ZNF536: variants seen among roughly 807,000 people sequenced by gnomAD.
ZNF536 encodes zinc finger protein 536.
In ZNF536, 13 loss-of-function variants were observed where a neutral mutation model predicts 84.5. That is an observed-to-expected ratio of 0.15 (90% CI 0.10 to 0.24). The LOEUF is 0.24. Among genes scored for constraint, ZNF536 ranks in the 10% least tolerant of loss-of-function variants. The pLI is 1.00. For missense variants in ZNF536, 1,536 were observed against 1,747.5 expected, an observed-to-expected ratio of 0.88 and a Z score of 2.16; for synonymous variants, 811 against 742.5, an observed-to-expected ratio of 1.09 and a Z score of -1.50.
At chr19:30,278,880 C>A (rs935450165) in intron 1 of ZNF536, among the ~76,000 whole-genome samples, 1 of 152,170 alleles carries the variant, frequency 6.6e-6, no homozygotes, top group Admixed American at 6.5e-5. Context: ...GCAAATAGAT[C>A]ATGTTTTTCC....
At position 30,566,212 on chromosome 19, in the gene ZNF536, T is replaced by C. The variant is rs536604782; in HGVS notation, c.169+16698T>C. ...TATGAGGGGTCACCCAGAAATCAGTTACCACCGGGACGTTTTGTTCCGTTC... is the reference window on the plus strand; with the variant it reads ...TATGAGGGGTCACCCAGAAATCAGTCACCACCGGGACGTTTTGTTCCGTTC... On this transcript the variant is annotated intron_variant, in intron 1 of 1. Transcript: ENST00000592773. 3.3e-5 allele frequency among the ~76,000 whole-genome samples: 5 copies of C among 152,178 alleles called. No individual in the cohort carries two copies. The East Asian group carries it at 9.7e-4, about 30-fold the overall frequency.
chr19:30,571,713 C>T (rs1245055492), intron 1 of ZNF536, among the ~76,000 whole-genome samples: 1 of 152,146 alleles, frequency 6.6e-6, no homozygotes, highest in South Asian at 2.1e-4. Flanking sequence ...CCCACGGTCT[C>T]AGGCCCCTCT....
rs2052267432 is a variant in ZNF536 at position 30,445,262 on chromosome 19, T to G, written c.1700T>G (p.Val567Gly). The change falls in exon 2 of 5, where the codon GTG (valine) becomes GGG (glycine). Residue 567 changes from valine to glycine, a missense_variant. Around this residue, in one of 8 missense-constraint regions of ZNF536, gnomAD observed 366 missense variants for 364.4 expected, o/e 1.00. Transcript: ENST00000355537. The surrounding 1 kb of genome is among the most constrained non-coding windows in gnomAD (Gnocchi z 4.5). ...TTTGATAAGGAGAAGCGGGAGTACG[T>G]GTTAGTGGGAGCAGATGGCTCCAAG... is the stretch of plus-strand genomic sequence containing the variant. The part of the protein sequence containing the change: ...VLFDKEKREY[V>G]LVGADGSKQK... 5 of 1,613,794 alleles carry G rather than the reference T, an allele frequency of 3.1e-6. No individual in the cohort carries two copies. In the East Asian group the frequency reaches 1.1e-4, roughly 36 times the overall value.
At chr19:30,552,631 T>C (rs1163363138) in intron 4 of ZNF536, among the ~76,000 whole-genome samples, 1 of 152,188 alleles carries the variant, frequency 6.6e-6, no homozygotes, top group Admixed American at 6.5e-5. Flanking sequence ...GCCTTCTTCC[T>C]AACTTTTAAA....
At chr19:30,286,923 A>G (rs1274105886) in intron 2 of ZNF536, among the ~76,000 whole-genome samples, 2 of 152,292 alleles carry the variant, frequency 1.3e-5, no homozygotes, top group South Asian at 2.1e-4. Context: ...TTGTTTTTAC[A>G]ACTGATCCTT....
intron 2 of ZNF536, among the ~76,000 whole-genome samples, chr19:30,530,757 G>A (rs908009783): frequency 1.3e-5 from 2 of 152,228 alleles, no homozygotes; most frequent in South Asian, 2.1e-4. Context: ...GGGGTGCCAG[G>A]AGAAGTGATG....
At chr19:30,279,512 C>CTTGG (rs2045360012) in intron 1 of ZNF536, among the ~76,000 whole-genome samples, 1 of 152,172 alleles carries the variant, frequency 6.6e-6, no homozygotes, top group African/African-American at 2.4e-5. Flanking sequence ...GAGAATCACT[C>CTTGG]AGTGCTTGGA....
intron 2 of ZNF536, among the ~76,000 whole-genome samples, chr19:30,479,449 C>T (rs890441132): frequency 3.9e-5 from 6 of 152,324 alleles, no homozygotes; most frequent in South Asian, 4.1e-4. Context: ...CTTCCAGCAA[C>T]GACCCTAGGT....
At chr19:30,569,589 T>TTTTG (rs2046471057) in intron 1 of ZNF536, among the ~76,000 whole-genome samples, 1 of 136,446 alleles carries the variant, frequency 7.3e-6, no homozygotes, top group Admixed American at 7.4e-5. Flanking sequence ...TTTTTTTTTT[T>TTTTG]GAGACAGAGT....
chr19:30,476,957 GT>G lies in ZNF536; in HGVS notation c.2170+31236del, dbSNP rs530853543. Among the ~76,000 whole-genome samples the G allele has an allele frequency of 2.6e-3, 378 of 147,378 alleles. 3 individuals are homozygous for G. Among genetic ancestry groups the G allele is most frequent in the East Asian group, 0.015 (74 of 5,068 alleles). On this transcript the variant is annotated intron_variant, in intron 2 of 4. Transcript: ENST00000355537. ...CCTTTGCACTTCCTATACTTGCTGG[GT>G]TTTTTTTTTTAATAGAGATGGGGTC...
intron 1 of ZNF536, among the ~76,000 whole-genome samples, chr19:30,372,928 C>G (rs1369378566): frequency 6.7e-6 from 1 of 150,350 alleles, no homozygotes; most frequent in Non-Finnish European, 1.5e-5. Flanking sequence ...AAGTAACTTT[C>G]AGACTCCCTG....
intron 1 of ZNF536, among the ~76,000 whole-genome samples, chr19:30,690,882 G>A (rs2051380769): frequency 6.6e-6 from 1 of 152,136 alleles, no homozygotes; most frequent in Admixed American, 6.5e-5. Flanking sequence ...CAAACAACAT[G>A]ATTTTTGTTT....
chr19:30,586,124 G>C (rs1044293370), intron 1 of ZNF536, among the ~76,000 whole-genome samples: 11 of 152,306 alleles, frequency 7.2e-5, no homozygotes, highest in African/African-American at 2.6e-4. Context: ...CAAGTTACAA[G>C]CTATTTCTAA....
chr19:30,379,880 T>TA (rs1196869047), intron 1 of ZNF536, among the ~76,000 whole-genome samples: 2 of 152,146 alleles, frequency 1.3e-5, no homozygotes, highest in African/African-American at 2.4e-5. Flanking sequence ...CTAAGTGCCC[T>TA]ACTTACCTTG....
At chr19:30,569,143 G>C (rs2046449955) in intron 1 of ZNF536, among the ~76,000 whole-genome samples, 1 of 152,162 alleles carries the variant, frequency 6.6e-6, no homozygotes, top group Non-Finnish European at 1.5e-5. Context: ...ATTTTTCTAA[G>C]CCTAGTGTGC....
At chr19:30,464,705 A>G (rs2053306578) in intron 2 of ZNF536, among the ~76,000 whole-genome samples, 1 of 151,962 alleles carries the variant, frequency 6.6e-6, no homozygotes, top group African/African-American at 2.4e-5. Flanking sequence ...CATGGGAAGA[A>G]TGGCACATGG....
At chr19:30,608,909 A>G (rs940761633) in intron 1 of ZNF536, among the ~76,000 whole-genome samples, 1 of 152,176 alleles carries the variant, frequency 6.6e-6, no homozygotes, top group African/African-American at 2.4e-5. Flanking sequence ...ACTCTAGTGC[A>G]GTCCCTTGGG....
intron 1 of ZNF536, among the ~76,000 whole-genome samples, chr19:30,441,907 C>T (rs1057263745): frequency 2.0e-5 from 3 of 152,230 alleles, no homozygotes; most frequent in African/African-American, 4.8e-5. Flanking sequence ...CTCCATGCCA[C>T]GCAGTCTCCT....
intron 1 of ZNF536, among the ~76,000 whole-genome samples, chr19:30,431,198 A>G (rs908723416): frequency 6.6e-6 from 1 of 152,124 alleles, no homozygotes; most frequent in African/African-American, 2.4e-5. Context: ...GCTCCCCCAG[A>G]ACCTGCGTTG....
Sources: gnomAD v4.1 joint callset for allele counts (sites outside exome capture counted in the v4.1 genomes callset) on GRCh38, gnomAD v4.1.1 for gene constraint, gnomAD v4.1.1 regional missense constraint, Gnocchi (gnomAD v3.1) non-coding constraint, MANE v1.5 for transcripts, NCBI Gene and HGNC (gene_info 2026-07-23, HGNC 2026-07-21) for gene names.